SIRPB2: variants seen among roughly 807,000 people sequenced by gnomAD.
The protein encoded by SIRPB2 is signal regulatory protein beta 2, also known as signal-regulatory protein beta-2.
A neutral mutation model predicts 27.1 loss-of-function variants in SIRPB2; 18 were observed. The observed-to-expected ratio is 0.66, with a 90% CI of 0.46 to 0.98. The LOEUF (loss-of-function observed/expected upper bound fraction) is 0.98, where lower values mean the gene tolerates loss of function less well. Among genes scored for constraint, SIRPB2 ranks in the 50% least tolerant of loss-of-function variants. The pLI, the probability that SIRPB2 is intolerant of heterozygous loss-of-function variation, is 0.00. For missense variants in SIRPB2, 420 were observed against 417.4 expected (o/e 1.01, Z -0.06); for synonymous variants, 150 against 164.6 (o/e 0.91, Z 0.68).
downstream of SIRPB2, among the ~76,000 whole-genome samples, chr20:1,474,176 T>G (rs140420437): frequency 1.9e-3 from 294 of 152,314 alleles, 2 homozygotes; most frequent in African/African-American, 6.7e-3. Context: ...CCCACCCCCA[T>G]CTCAAGATTC....
chr20:1,487,891 G>A (rs1029803577), intron 1 of SIRPB2, among the ~76,000 whole-genome samples: 1 of 152,202 alleles, frequency 6.6e-6, no homozygotes, highest in Admixed American at 6.5e-5. Context: ...GGAAATACAT[G>A]TGCAAACAAA....
rs1373718641 is a variant in SIRPB2 at position 1,479,837 on chromosome 20, G to T, written c.314C>A (p.Pro105Gln). ...VMPMIQRTSE[P>Q]LNCDYSIYIH... ...ATAGATGGAATAATCACAATTCAGT[G>T]GTTCTGATGTCCGTTGGATCATGGG... Residue 105 changes from proline to glutamine, a missense_variant, in exon 2 of 5, where the codon CCA (proline) becomes CAA (glutamine). Physicochemically the swap from Pro to Gln is moderately conservative, Grantham distance 76 (BLOSUM62 -1). Transcript: ENST00000359801. 1 of 1,614,116 alleles carries T rather than the reference G, an allele frequency of 6.2e-7. No individual in the cohort carries two copies. The highest frequency in any genetic ancestry group is 8.5e-7 in the Non-Finnish European group (1 of 1,180,052).
intron 1 of SIRPB2, among the ~76,000 whole-genome samples, chr20:1,485,575 T>G (rs1385881196): frequency 6.7e-6 from 1 of 148,308 alleles, no homozygotes; most frequent in Non-Finnish European, 1.5e-5. Flanking sequence ...TAAACTAAAC[T>G]CAAAGTAGTG....
At chr20:1,486,731 T>C (rs2090730612) in intron 1 of SIRPB2, among the ~76,000 whole-genome samples, 1 of 152,146 alleles carries the variant, frequency 6.6e-6, no homozygotes, top group Non-Finnish European at 1.5e-5. Flanking sequence ...CATGCACTCA[T>C]ATAATCATCT....
chr20:1,477,684 T>A (rs6079277), intron 3 of SIRPB2, among the ~76,000 whole-genome samples: 23,233 of 152,218 alleles, frequency 0.15, 3,052 homozygotes, highest in East Asian at 0.74. Flanking sequence ...ATTGTTACTA[T>A]TATTTTTTGA....
At position 1,480,011 on chromosome 20, in the gene SIRPB2, G is replaced by C; in HGVS notation, c.140C>G (p.Pro47Arg). The stretch of plus-strand genomic sequence containing the variant: ...TGTCTCACCTTCTGCCACCAGCATG[G>C]GGCCCTCGGGCTGTAGCACCTGCCA... ...NDWQVLQPEG[P>R]MLVAEGETLL... The change falls in exon 2 of 5, where the codon CCC (proline) becomes CGC (arginine). Residue 47 changes from proline (P) to arginine (R), a missense_variant. Physicochemically the swap from Pro to Arg is moderately radical, Grantham distance 103 (BLOSUM62 -2). Transcript: ENST00000359801. 1 of 1,613,924 alleles carries C rather than the reference G, an allele frequency of 6.2e-7. No homozygotes were observed. Among genetic ancestry groups the C allele is most frequent in the Non-Finnish European group, 8.5e-7 (1 of 1,179,990 alleles).
chr20:1,482,082 T>A (rs16994406), intron 1 of SIRPB2, among the ~76,000 whole-genome samples: 23,913 of 151,942 alleles, frequency 0.16, 3,080 homozygotes, highest in East Asian at 0.74. Context: ...TAAAAAAAAA[T>A]AACATTCTAT....
At chr20:1,488,861 C>T (rs1490628162) in intron 1 of SIRPB2, among the ~76,000 whole-genome samples, 2 of 152,114 alleles carry the variant, frequency 1.3e-5, no homozygotes, top group African/African-American at 4.8e-5. Flanking sequence ...CCATTTTATT[C>T]TCAGATATTT....
intron 4 of SIRPB2, chr20:1,477,053 C>T: frequency 8.6e-6 from 12 of 1,389,710 alleles, no homozygotes; most frequent in Middle Eastern, 2.5e-4. Flanking sequence ...CATAGCCTCA[C>T]AGTGTGTCCC....
chr20:1,488,507 G>A (rs2090748149), intron 1 of SIRPB2, among the ~76,000 whole-genome samples: 1 of 152,064 alleles, frequency 6.6e-6, no homozygotes, highest in Non-Finnish European at 1.5e-5. Flanking sequence ...AATTAGCTGG[G>A]TGTAGTGATG....
rs1204525060 is a variant in SIRPB2 at position 1,479,688 on chromosome 20, C to A, written c.451+12G>T. 1 of 1,612,390 alleles carries A rather than the reference C, an allele frequency of 6.2e-7. No individual in the cohort carries two copies. The highest frequency in any genetic ancestry group is 1.7e-5 in the Admixed American group (1 of 59,972). On this transcript the variant is annotated intron_variant, in intron 2 of 4. Coordinates refer to ENST00000359801, the MANE Select transcript of SIRPB2 (RefSeq NM_001122962.2). ...TGGAGCAAATGTGTGGTCTGCAGGG[C>A]CTGATCCTTACCCTTCACAAGCACT...
chr20:1,481,852 G>A (rs1318021824), intron 1 of SIRPB2, among the ~76,000 whole-genome samples: 1 of 152,136 alleles, frequency 6.6e-6, no homozygotes, highest in Admixed American at 6.5e-5. Context: ...GATCCTTCCT[G>A]TTTTTTTCCC....
Position 1,491,365 on chromosome 20 carries a change from C to A in SIRPB2, c.-6G>T. 6.2e-7 allele frequency: 1 copy of A among 1,605,834 alleles called. No homozygotes were observed. The highest frequency in any genetic ancestry group is 8.5e-7 in the Non-Finnish European group (1 of 1,176,952). On this transcript the variant is annotated 5_prime_UTR_variant, in exon 1 of 5. Coordinates refer to ENST00000359801, the MANE Select transcript of SIRPB2 (RefSeq NM_001122962.2). ...GCCGACATCGTGGAGCACATGGCAT[C>A]TTCTGTGGTCCCCAAGACTTGGGGC...
chr20:1,476,056 G>T lies in SIRPB2; in HGVS notation c.*111C>A. 1 of 1,254,496 alleles carries T rather than the reference G, an allele frequency of 8.0e-7. No individual in the cohort carries two copies. The highest frequency in any genetic ancestry group is 1.1e-6 in the Non-Finnish European group (1 of 888,558). 77.7% of individuals were successfully genotyped at this position (1,254,496 alleles called of 1,614,324 possible). On this transcript the variant is annotated 3_prime_UTR_variant, in exon 5 of 5. Coordinates refer to ENST00000359801, the MANE Select transcript of SIRPB2 (RefSeq NM_001122962.2). ...CAAAACCAGATGTAGGGATCTAGGA[G>T]TTTGTCATGAGGCCTGGGGGCACCT...
At chr20:1,483,100 T>G (rs1460126465) in intron 1 of SIRPB2, among the ~76,000 whole-genome samples, 1 of 148,708 alleles carries the variant, frequency 6.7e-6, no homozygotes, top group African/African-American at 2.5e-5. Context: ...TTTCTCCTCA[T>G]CCTCATCATT....
intron 3 of SIRPB2, among the ~76,000 whole-genome samples, chr20:1,477,683 A>G (rs1218555209): frequency 1.3e-5 from 2 of 152,126 alleles, no homozygotes; most frequent in African/African-American, 4.8e-5. Flanking sequence ...TATTGTTACT[A>G]TTATTTTTTG....
In SIRPB2 at chr20:1,478,605, C is replaced by A. The variant is rs2123017258; in HGVS notation, c.454G>T (p.Ala152Ser). 1.4e-5 allele frequency: 22 copies of A among 1,559,152 alleles called. No individual in the cohort carries two copies. Among genetic ancestry groups the A allele is most frequent in the Non-Finnish European group, 1.9e-5 (22 of 1,149,330 alleles). The stretch of plus-strand genomic sequence containing the variant: ...CACAGGTCTGGTTCAGGGTCCCCAG[C>A]TCCTGAAGCCAAAGAGGAGGTCCTT... ...DEGTSVLVKG[A>S]GDPEPDLWII... is the part of the protein sequence containing the mutation. The change falls in exon 3 of 5, where the codon GCT (alanine) becomes TCT (serine). Residue 152 changes from alanine (A) to serine (S), a missense_variant and splice_region_variant. Ala to Ser is a moderately conservative substitution (Grantham distance 99, BLOSUM62 1). Coordinates refer to ENST00000359801, the MANE Select transcript of SIRPB2 (RefSeq NM_001122962.2).
intron 3 of SIRPB2, 93 bp downstream of exon 3, chr20:1,478,173 G>A: frequency 8.8e-7 from 1 of 1,135,604 alleles, no homozygotes; most frequent in Non-Finnish European, 1.3e-6. Flanking sequence ...AGACATGGAG[G>A]CTGTGAAGAA....
intron 3 of SIRPB2, chr20:1,478,019 C>T (rs1272491143): frequency 1.1e-5 from 7 of 637,780 alleles, no homozygotes; most frequent in Admixed American, 1.0e-4. Context: ...TCTGTGGAAA[C>T]CAGAATGGGG....
Sources: allele counts gnomAD v4.1 joint callset (sites outside exome capture counted in the v4.1 genomes callset), GRCh38; gene constraint gnomAD v4.1.1; transcripts MANE v1.5; gene names NCBI Gene and HGNC (gene_info 2026-07-23, HGNC 2026-07-21).